Variants in HIP1R observed in about 807,000 individuals in gnomAD.
HIP1R encodes huntingtin-interacting protein 1-related protein.
In HIP1R, 135 loss-of-function variants were observed where a neutral mutation model predicts 144.2. That is an observed-to-expected ratio of 0.94 (90% CI 0.81 to 1.08). The LOEUF (loss-of-function observed/expected upper bound fraction) is 1.08, where lower values mean the gene tolerates loss of function less well. HIP1R is among the 50% of genes least tolerant of loss of function. The pLI is 0.00. For synonymous variants in HIP1R, 698 were observed against 612.8 expected (o/e 1.14, Z -2.05); for missense variants, 1,462 against 1,432.8 (o/e 1.02, Z -0.33).
intron 7 of HIP1R, 109 bp downstream of exon 7, chr12:122,851,406 A>C (rs1037651151): frequency 6.5e-6 from 6 of 916,320 alleles, no homozygotes; most frequent in African/African-American, 1.7e-5. Context: ...GATCACTATG[A>C]AATGACCCTG....
chr12:122,851,113 C>T (rs1238505774), intron 6 of HIP1R, 123 bp from the exon 7 acceptor site: 9 of 927,100 alleles, frequency 9.7e-6, no homozygotes, highest in Non-Finnish European at 3.2e-6. Flanking sequence ...CTGGCAGAGG[C>T]ACGCTGTCTC....
chr12:122,851,299 T>A lies in HIP1R; in HGVS notation c.577+2T>A. 6.4e-7 allele frequency: 1 copy of A among 1,553,850 alleles called. No individual in the cohort carries two copies. The highest frequency in any genetic ancestry group is 1.2e-5 in the South Asian group (1 of 81,672). ...GTGAGCTGAAGCTTTCTGAATCAGG[T>A]GAGCCGTAAAGAGGGGATGCGGGGG... is the stretch of plus-strand genomic sequence containing the variant. On this transcript the variant is annotated splice_donor_variant, in intron 7 of 31. Coordinates refer to ENST00000253083, the MANE Select transcript of HIP1R (RefSeq NM_003959.3). LOFTEE classifies it high-confidence loss of function.
intron 23 of HIP1R, 96 bp downstream of exon 23, chr12:122,859,632 C>A: frequency 1.5e-6 from 2 of 1,345,986 alleles, no homozygotes; most frequent in Non-Finnish European, 1.0e-6. Context: ...CACTCCTGCT[C>A]TCAGCCTCCA....
chr12:122,838,180 T>C (rs1478977871), intron 1 of HIP1R, among the ~76,000 whole-genome samples: 1 of 152,160 alleles, frequency 6.6e-6, no homozygotes, highest in African/African-American at 2.4e-5. Context: ...GGGTTAGCGC[T>C]CAGGAGTGTG....
Position 122,859,120 on chromosome 12 carries a change from C to T in HIP1R, c.2218C>T (p.Gln740Ter). 6.3e-7 allele frequency: 1 copy of T among 1,595,428 alleles called. No individual in the cohort carries two copies. The highest frequency in any genetic ancestry group is 2.3e-5 in the East Asian group (1 of 43,876). The change falls in exon 22 of 32, where the codon CAG (glutamine) becomes TAG (stop). Residue 740 changes from glutamine to a stop codon, truncating the protein, a stop_gained. Coordinates refer to ENST00000253083, the MANE Select transcript of HIP1R (RefSeq NM_003959.3). LOFTEE classifies it high-confidence loss of function. ...GGCTCTGGAGCTCATGGGGCAGCTG[C>T]AGGACCAGCAGGCTCTGCGGCACAT... is the stretch of plus-strand genomic sequence containing the variant. ...ARALELMGQL[Q>*]DQQALRHMQA... is the part of the protein sequence containing the mutation.
At position 122,855,113 on chromosome 12, in the gene HIP1R, C is replaced by G. The variant is rs1344377872; in HGVS notation, c.837C>G (p.Ile279Met). The change falls in exon 10 of 32, where the codon ATC becomes ATG. Residue 279 changes from isoleucine (I) to methionine (M), a missense_variant. By Grantham distance (10) the Ile-to-Met change is conservative. Around this residue, in one of 2 missense-constraint regions of HIP1R, gnomAD observed 350 missense variants for 421.1 expected, o/e 0.83. Transcript: ENST00000253083. ...TGTACTTCAAGCGGCTCATCCAGAT[C>G]CCCCGGCTGCCCGAGGTACCACCCC... Reference protein sequence around the residue: ...DMLYFKRLIQIPRLPEGPPNF... With the variant: ...DMLYFKRLIQMPRLPEGPPNF... The G allele has an allele frequency of 1.2e-6, 2 of 1,613,506 alleles. No individual in the cohort carries two copies. Among genetic ancestry groups the G allele is most frequent in the African/African-American group, 1.3e-5 (1 of 74,938 alleles).
At chr12:122,859,588 G>A (rs371945859) in intron 23 of HIP1R, 52 bp downstream of exon 23, 114 of 1,461,890 alleles carry the variant, frequency 7.8e-5, no homozygotes, top group Admixed American at 3.7e-4. Context: ...TTTGGGGGCC[G>A]GAGGCCCCAA....
At chr12:122,856,845 C>A in intron 17 of HIP1R, 119 bp downstream of exon 17, 2 of 1,079,174 alleles carry the variant, frequency 1.9e-6, no homozygotes, top group Non-Finnish European at 2.7e-6. Flanking sequence ...TGGGATGCAG[C>A]CCTGACCCAG....
intron 1 of HIP1R, among the ~76,000 whole-genome samples, chr12:122,847,708 C>T (rs1456318056): frequency 6.6e-6 from 1 of 152,228 alleles, no homozygotes; most frequent in Non-Finnish European, 1.5e-5. Context: ...GGGCCATGAC[C>T]TGGGGCTCAG....
rs191538643 is a variant in HIP1R, at chr12:122,861,764, G to A, written c.*11G>A. The A allele has an allele frequency of 1.4e-5, 22 of 1,613,580 alleles. No homozygotes were observed. The highest frequency in any genetic ancestry group is 1.8e-5 in the Non-Finnish European group (21 of 1,179,744). The stretch of plus-strand genomic sequence containing the variant: ...CTCGTGAACTACTAGGCCCCCCAGG[G>A]GTCCAGCAGGGTGGCTGGTGACAGG... On this transcript the variant is annotated 3_prime_UTR_variant, in exon 32 of 32. Transcript: ENST00000253083.
rs1429707829 is a variant in HIP1R, at chr12:122,862,234, T to C, written c.*481T>C. ...GGGTCAGGCATCCTGTCTGTGGCCT[T>C]CTGGGGCACCGATTCTACCAGGCCC... On this transcript the variant is annotated 3_prime_UTR_variant, in exon 32 of 32. Transcript: ENST00000253083. 2.5e-5 allele frequency: 4 copies of C among 158,706 alleles called. No individual in the cohort carries two copies. The highest frequency in any genetic ancestry group is 4.1e-5 in the Non-Finnish European group (3 of 72,840). The allele number at this position is 158,706 out of a possible 1,614,324, so 9.8% of individuals were successfully genotyped here.
At chr12:122,857,459 T>C (rs1038776480) in intron 18 of HIP1R, 1 of 586,762 alleles carries the variant, frequency 1.7e-6, no homozygotes, top group African/African-American at 1.9e-5. Flanking sequence ...GACCACATTG[T>C]GTTTATCTGT....
chr12:122,855,982 C>T lies in HIP1R; in HGVS notation c.1131C>T (p.Ala377=). 1 of 1,585,906 alleles carries T rather than the reference C, an allele frequency of 6.3e-7. No individual in the cohort carries two copies. The highest frequency in any genetic ancestry group is 1.2e-5 in the South Asian group (1 of 86,932). ...CCACGTCACACCTCCTCCCGCAGGCCCAGCGGTACATCGCGCAGCTGAAGA... is the reference window on the plus strand; with the variant it reads ...CCACGTCACACCTCCTCCCGCAGGCTCAGCGGTACATCGCGCAGCTGAAGA... ...RSELEKIKLE[A]QRYIAQLKSQ... is the part of the protein sequence containing the mutation. The change falls in exon 14 of 32, where the codon GCC becomes GCT. Residue 377 remains alanine, a splice_region_variant and synonymous_variant. Coordinates refer to ENST00000253083, the MANE Select transcript of HIP1R (RefSeq NM_003959.3).
intron 22 of HIP1R, 100 bp from the exon 23 acceptor site, chr12:122,859,326 G>A: frequency 2.1e-6 from 3 of 1,454,426 alleles, no homozygotes; most frequent in Non-Finnish European, 1.9e-6. Context: ...TGGGGACCAT[G>A]CACCCTCCTC....
At chr12:122,859,302 C>T in intron 22 of HIP1R, 105 bp downstream of exon 22, 3 of 1,480,864 alleles carry the variant, frequency 2.0e-6, no homozygotes, top group Non-Finnish European at 2.8e-6. Flanking sequence ...AGCCTGCAGC[C>T]TCAGGACACA....
At chr12:122,856,787 G>A (rs568661310) in intron 17 of HIP1R, 61 bp downstream of exon 17, 1 of 1,407,520 alleles carries the variant, frequency 7.1e-7, no homozygotes, top group African/African-American at 1.4e-5. Context: ...TGGAAGTCAG[G>A]TCCTCTTTCC....
At chr12:122,857,978 C>G in intron 18 of HIP1R, 124 bp from the exon 19 acceptor site, 1 of 777,302 alleles carries the variant, frequency 1.3e-6, no homozygotes, top group Admixed American at 2.7e-5. Context: ...GAAATCTCCA[C>G]CCCCCTGACC....
At chr12:122,851,098 T>G in intron 6 of HIP1R, 138 bp from the exon 7 acceptor site, 15 of 876,832 alleles carry the variant, frequency 1.7e-5, no homozygotes, top group Non-Finnish European at 2.4e-5. Flanking sequence ...TGAAGGACTG[T>G]CGTCCTGGCA....
rs551339949 is a variant in HIP1R at position 122,854,915 on chromosome 12, G to A, written c.729G>A (p.Ala243=). The A allele has an allele frequency of 2.6e-5, 42 of 1,612,786 alleles. No homozygotes were observed. The South Asian group carries it at 4.1e-4, about 16-fold the overall frequency. Residue 243 remains alanine (A), a synonymous_variant, in exon 9 of 32, where the codon GCG becomes GCA. Coordinates refer to ENST00000253083, the MANE Select transcript of HIP1R (RefSeq NM_003959.3). ...LLFKLHSCLP[A]DTLQGHRDRF... ...TGTGCCACCCTCCAGGTCTCCCTGC[G>A]GACACCCTGCAAGGCCACAGGGACC... is the stretch of plus-strand genomic sequence containing the variant.
Sources: allele counts gnomAD v4.1 joint callset (sites outside exome capture counted in the v4.1 genomes callset), GRCh38; gene constraint gnomAD v4.1.1; regional missense constraint gnomAD v4.1.1; transcripts MANE v1.5; gene names NCBI Gene and HGNC (gene_info 2026-07-23, HGNC 2026-07-21).